DSCAM: variants seen among roughly 807,000 people sequenced by gnomAD.
The protein encoded by DSCAM is cell adhesion molecule DSCAM.
Under a neutral mutation model 217.7 loss-of-function variants are expected in DSCAM, and 47 were observed. The observed-to-expected ratio is 0.22, with a 90% CI of 0.17 to 0.28. The LOEUF (loss-of-function observed/expected upper bound fraction) is 0.28, where lower values mean the gene tolerates loss of function less well. Among genes scored for constraint, DSCAM ranks in the 10% least tolerant of loss-of-function variants. The pLI is 1.00. For missense variants in DSCAM, 2,080 were observed against 2,618.3 expected (o/e 0.79, Z 4.49); for synonymous variants, 1,056 against 1,015.3 (o/e 1.04, Z -0.76).
intron 3 of DSCAM, among the ~76,000 whole-genome samples, chr21:40,486,570 C>T (rs1206328062): frequency 2.6e-5 from 4 of 151,688 alleles, no homozygotes; most frequent in Non-Finnish European, 4.4e-5. Context: ...AGAAGGCCCT[C>T]AGGGGGTCTG....
intron 1 of DSCAM, 105 bp from the exon 2 acceptor site, chr21:40,708,876 G>A (rs1338019754): frequency 2.4e-6 from 2 of 830,316 alleles, no homozygotes; most frequent in African/African-American, 3.5e-5. Context: ...TAATCATGAG[G>A]CGCAGGCTCA....
At chr21:40,791,727 T>G (rs2091646185) in intron 1 of DSCAM, among the ~76,000 whole-genome samples, 1 of 152,176 alleles carries the variant, frequency 6.6e-6, no homozygotes, top group Non-Finnish European at 1.5e-5. Flanking sequence ...GTAAAATGCT[T>G]TCTTGCCCTA....
intron 1 of DSCAM, among the ~76,000 whole-genome samples, chr21:40,722,540 T>C (rs1376331770): frequency 1.3e-5 from 2 of 152,082 alleles, no homozygotes; most frequent in African/African-American, 4.8e-5. Context: ...TACATGTTAA[T>C]CCTTTAATGC....
Position 40,353,730 on chromosome 21 carries a change from T to G in DSCAM, c.669A>C (p.Ser223=), listed in dbSNP as rs1299913879. The change falls in exon 5 of 33, where the codon TCA becomes TCC. Residue 223 remains serine (S), a synonymous_variant. Coordinates refer to ENST00000400454, the MANE Select transcript of DSCAM (RefSeq NM_001389.5). The part of the protein sequence containing the change: ...ARLFVSDPAN[S]APSILDGFDH... ...CAAACCCATCCAGTATGGATGGGGC[T>G]GAGTTCGCTGGGTCTGTAGAAGAAA... The G allele has an allele frequency of 2.6e-6, 4 of 1,554,928 alleles. No homozygotes were observed. Among genetic ancestry groups the G allele is most frequent in the Non-Finnish European group, 3.5e-6 (4 of 1,157,200 alleles).
chr21:40,381,292 A>C (rs1004938150), intron 3 of DSCAM, among the ~76,000 whole-genome samples: 3 of 151,980 alleles, frequency 2.0e-5, no homozygotes, highest in African/African-American at 7.2e-5. Flanking sequence ...CCCTTTATAG[A>C]GATATGGAAA....
rs376156638 is a variant in DSCAM at position 40,471,369 on chromosome 21, A to C, written c.509-102124T>G. Among the ~76,000 whole-genome samples the C allele has an allele frequency of 3.0e-4, 46 of 152,300 alleles. No homozygotes were observed. The South Asian group carries it at 9.1e-3, about 30-fold the overall frequency. ...CTTCCTTCCACAACTATGGGGCTCT[A>C]TGCCTCCAGCCACCACAGCTAGGCA... is the stretch of plus-strand genomic sequence containing the variant. On this transcript the variant is annotated intron_variant, in intron 3 of 32. Transcript: ENST00000400454.
chr21:40,802,826 A>G lies in DSCAM; in HGVS notation c.43+43793T>C, dbSNP rs73362332. On this transcript the variant is annotated intron_variant, in intron 1 of 32. Transcript: ENST00000400454. The stretch of plus-strand genomic sequence containing the variant: ...TGGACTTGTTAGCCTCCATAACAGT[A>G]AGAACCATATTCCTTTTCTTTATAA... Among the ~76,000 whole-genome samples the G allele has an allele frequency of 2.8e-3, 421 of 152,326 alleles. 2 individuals are homozygous for G. Among genetic ancestry groups the G allele is most frequent in the African/African-American group, 9.8e-3 (406 of 41,576 alleles).
intron 3 of DSCAM, among the ~76,000 whole-genome samples, chr21:40,590,542 G>A (rs1172910715): frequency 6.6e-6 from 1 of 152,114 alleles, no homozygotes; most frequent in Non-Finnish European, 1.5e-5. Context: ...GAGTAAATGA[G>A]GTAACATATT....
intron 1 of DSCAM, among the ~76,000 whole-genome samples, chr21:40,819,544 A>G (rs925521817): frequency 1.3e-5 from 2 of 152,242 alleles, no homozygotes; most frequent in Non-Finnish European, 2.9e-5. Context: ...CCATATAATT[A>G]CTAATCCTCA....
At chr21:40,642,517 C>T (rs1397573074) in intron 3 of DSCAM, among the ~76,000 whole-genome samples, 1 of 152,114 alleles carries the variant, frequency 6.6e-6, no homozygotes, top group Non-Finnish European at 1.5e-5. Context: ...GTTTTTGGTT[C>T]CAGAGGTGAG....
intron 10 of DSCAM, among the ~76,000 whole-genome samples, chr21:40,284,882 T>C (rs2073805932): frequency 6.6e-6 from 1 of 152,234 alleles, no homozygotes; most frequent in African/African-American, 2.4e-5. Flanking sequence ...CCAGTCATCT[T>C]TCCTTAATAC....
At chr21:40,396,247 C>T (rs915787743) in intron 3 of DSCAM, among the ~76,000 whole-genome samples, 1 of 152,148 alleles carries the variant, frequency 6.6e-6, no homozygotes, top group Non-Finnish European at 1.5e-5. Flanking sequence ...TGTTTAAATG[C>T]CATGCAATTG....
chr21:40,547,270 T>C (rs558813911), intron 3 of DSCAM, among the ~76,000 whole-genome samples: 1 of 152,298 alleles, frequency 6.6e-6, no homozygotes, highest in South Asian at 2.1e-4. Context: ...TCTTGCTTCT[T>C]ACACGCCTGC....
chr21:40,517,001 C>G (rs2076305887), intron 3 of DSCAM, among the ~76,000 whole-genome samples: 1 of 143,634 alleles, frequency 7.0e-6, no homozygotes, highest in Non-Finnish European at 1.5e-5. Context: ...ATATATACAC[C>G]ATATATATAC....
intron 11 of DSCAM, among the ~76,000 whole-genome samples, chr21:40,209,235 TG>T (rs1314351440): frequency 6.6e-6 from 1 of 152,010 alleles, no homozygotes; most frequent in Non-Finnish European, 1.5e-5. Flanking sequence ...AAGGAAGCAG[TG>T]GGGGAGGATG....
intron 15 of DSCAM, among the ~76,000 whole-genome samples, chr21:40,176,250 A>G (rs959830499): frequency 2.6e-5 from 4 of 152,136 alleles, no homozygotes; most frequent in African/African-American, 9.7e-5. Context: ...GGGGTCTGGG[A>G]GCATGCAAAG....
intron 3 of DSCAM, among the ~76,000 whole-genome samples, chr21:40,502,520 G>A (rs1398378160): frequency 6.6e-6 from 1 of 152,124 alleles, no homozygotes; most frequent in African/African-American, 2.4e-5. Context: ...AGGCTCAAGG[G>A]GAGAATCTAT....
chr21:40,017,246 C>T (rs1193004590), intron 32 of DSCAM, among the ~76,000 whole-genome samples: 2 of 152,000 alleles, frequency 1.3e-5, no homozygotes, highest in Admixed American at 6.5e-5. Flanking sequence ...CCGCGAACAA[C>T]AGGAGCAATG....
At chr21:40,342,638 A>ATAT (rs1189772374) in intron 6 of DSCAM, among the ~76,000 whole-genome samples, 1 of 91,602 alleles carries the variant, frequency 1.1e-5, no homozygotes, top group African/African-American at 4.6e-5. Flanking sequence ...ATATATATAT[A>ATAT]TATATATATA....
Sources: gnomAD v4.1 joint callset for allele counts (sites outside exome capture counted in the v4.1 genomes callset) on GRCh38, gnomAD v4.1.1 for gene constraint, MANE v1.5 for transcripts, NCBI Gene and HGNC (gene_info 2026-07-23, HGNC 2026-07-21) for gene names.